The following FANCI variants were observed in gnomAD, a reference collection of about 807,000 sequenced individuals.
FANCI encodes the protein Fanconi anemia group I protein.
In FANCI, 156 loss-of-function variants were observed where a neutral mutation model predicts 176.1. The ratio of observed to expected loss-of-function variants is 0.89; its 90% CI spans 0.78 to 1.01. The LOEUF (loss-of-function observed/expected upper bound fraction) is 1.01, where lower values mean the gene tolerates loss of function less well. FANCI is among the 50% of genes least tolerant of loss of function. The pLI is 0.00. For synonymous variants in FANCI, 613 were observed against 541.7 expected, an observed-to-expected ratio of 1.13 and a Z score of -1.83; for missense variants, 1,678 against 1,534.1, an observed-to-expected ratio of 1.09 and a Z score of -1.57.
chr15:89,290,503 A>G, intron 19 of FANCI: 1 of 552,052 alleles, frequency 1.8e-6, no homozygotes, highest in Non-Finnish European at 3.3e-6. Context: ...TTGTGAATTA[A>G]CAGTCTGTAT....
At chr15:89,272,671 A>G (rs1317910611) in intron 10 of FANCI, among the ~76,000 whole-genome samples, 1 of 152,098 alleles carries the variant, frequency 6.6e-6, no homozygotes, top group Non-Finnish European at 1.5e-5. Flanking sequence ...TTTTATTACT[A>G]TTAAAAAATG....
intron 11 of FANCI, 63 bp from the exon 12 acceptor site, chr15:89,274,105 C>A: frequency 8.1e-7 from 1 of 1,229,994 alleles, no homozygotes; most frequent in African/African-American, 1.5e-5. Flanking sequence ...TTCTTTCATT[C>A]TGTTAGGTGC....
chr15:89,281,445 A>C (rs559234467), intron 15 of FANCI, 145 bp downstream of exon 15: 13 of 985,640 alleles, frequency 1.3e-5, no homozygotes, highest in Non-Finnish European at 2.0e-5. Context: ...TAAAAGGGCA[A>C]GAGCATTGAG....
At position 89,299,755 on chromosome 15, in the gene FANCI, C is replaced by T. The variant is rs181972949; in HGVS notation, c.2637-45C>T. The T allele has an allele frequency of 4.5e-5, 71 of 1,591,688 alleles. No individual in the cohort carries two copies. In the Admixed American group the frequency reaches 5.2e-4, roughly 12 times the overall value. ...AATTTTACTGTTTGTTATTTTATCT[C>T]GGTGAACCTGTCTTTAAAAACAATA... On this transcript the variant is annotated intron_variant, in intron 24 of 37. Coordinates refer to ENST00000310775, the MANE Select transcript of FANCI (RefSeq NM_001113378.2).
At chr15:89,301,533 A>G in intron 27 of FANCI, 91 bp downstream of exon 27, 1 of 903,654 alleles carries the variant, frequency 1.1e-6, no homozygotes, top group Non-Finnish European at 1.9e-6. Context: ...TGTCCTCTTG[A>G]AATTGAGCTT....
intron 9 of FANCI, among the ~76,000 whole-genome samples, chr15:89,267,425 G>C (rs1596256053): frequency 6.6e-6 from 1 of 151,430 alleles, no homozygotes; most frequent in East Asian, 1.9e-4. Flanking sequence ...AATTGTGTCA[G>C]ATCTGAGATG....
At chr15:89,284,943 A>G (rs1596291714) in intron 17 of FANCI, among the ~76,000 whole-genome samples, 153 bp from the exon 18 acceptor site, 1 of 152,156 alleles carries the variant, frequency 6.6e-6, no homozygotes, top group East Asian at 1.9e-4. Context: ...GACACTTACT[A>G]CTGCATGGTA....
In FANCI at chr15:89,260,763, A is replaced by G; in HGVS notation, c.208A>G (p.Thr70Ala). The change falls in exon 4 of 38, where the codon ACT becomes GCT. Residue 70 changes from threonine to alanine, a missense_variant. Around this residue, in one of 3 missense-constraint regions of FANCI, gnomAD observed 469 missense variants for 436.9 expected, o/e 1.07. Coordinates refer to ENST00000310775, the MANE Select transcript of FANCI (RefSeq NM_001113378.2). The part of the protein sequence containing the change: ...AGTLRRRKIY[T>A]CCIQLVESGD... ...AACACTTAGGAGACGTAAGATATAC[A>G]CTTGTTGTATCCAGTTGGTGGAATC... is the stretch of plus-strand genomic sequence containing the variant. 13 of 1,614,040 alleles carry G rather than the reference A, an allele frequency of 8.1e-6. No individual in the cohort carries two copies. The highest frequency in any genetic ancestry group is 1.1e-5 in the Non-Finnish European group (13 of 1,179,942).
At chr15:89,317,153 G>T, downstream of FANCI, 1 of 606,526 alleles carries the variant, frequency 1.6e-6, no homozygotes, top group Non-Finnish European at 2.9e-6. Flanking sequence ...TGAAGTAGGG[G>T]ACAGGTACAG....
At chr15:89,310,696 C>T (rs997072732) in intron 34 of FANCI, among the ~76,000 whole-genome samples, 4 of 152,260 alleles carry the variant, frequency 2.6e-5, no homozygotes, top group Non-Finnish European at 2.9e-5. Context: ...ATTTTCCACA[C>T]CTCTCAGTGA....
chr15:89,275,727 C>G (rs551016177), intron 12 of FANCI, among the ~76,000 whole-genome samples: 56 of 152,338 alleles, frequency 3.7e-4, no homozygotes, highest in African/African-American at 1.3e-3. Context: ...GAGGTACTCA[C>G]TAACCAGGAA....
chr15:89,287,808 A>C (rs1244309222), intron 18 of FANCI, among the ~76,000 whole-genome samples: 2 of 151,474 alleles, frequency 1.3e-5, no homozygotes, highest in East Asian at 3.8e-4. Context: ...ATGATGGCCC[A>C]GTCAGTGGAA....
At chr15:89,254,958 A>C (rs1235153844) in intron 2 of FANCI, among the ~76,000 whole-genome samples, 1 of 152,180 alleles carries the variant, frequency 6.6e-6, no homozygotes, top group Non-Finnish European at 1.5e-5. Flanking sequence ...ATCCAGGGGG[A>C]CTTTAAAAAC....
intron 34 of FANCI, among the ~76,000 whole-genome samples, chr15:89,308,849 G>A (rs1257032673): frequency 2.6e-5 from 4 of 152,068 alleles, no homozygotes; most frequent in Admixed American, 6.6e-5. Context: ...GGGAGGCTGA[G>A]GCAGGAGAAT....
intron 13 of FANCI, among the ~76,000 whole-genome samples, chr15:89,277,630 A>AAAAAAAG (rs1555445436): frequency 1.4e-5 from 2 of 146,092 alleles, no homozygotes; most frequent in Non-Finnish European, 1.5e-5. Flanking sequence ...AAAAAAAAAA[A>AAAAAAAG]AAGAATCATA....
At chr15:89,260,132 A>G (rs780773225) in intron 3 of FANCI, among the ~76,000 whole-genome samples, 1 of 151,304 alleles carries the variant, frequency 6.6e-6, no homozygotes, top group Non-Finnish European at 1.5e-5. Context: ...TTTTTTTTTC[A>G]GTTTTGATTT....
At chr15:89,257,791 T>C (rs1395785076) in intron 2 of FANCI, among the ~76,000 whole-genome samples, 1 of 152,176 alleles carries the variant, frequency 6.6e-6, no homozygotes, top group African/African-American at 2.4e-5. Context: ...TCTAGGCCAC[T>C]GTCATCTCTC....
At chr15:89,260,601 AG>A (rs1185251227) in intron 3 of FANCI, 111 bp from the exon 4 acceptor site, 243 of 1,368,230 alleles carry the variant, frequency 1.8e-4, no homozygotes, top group Non-Finnish European at 2.4e-4. Context: ...CGTAGTAATC[AG>A]TCGTTTGATA....
intron 37 of FANCI, among the ~76,000 whole-genome samples, chr15:89,316,038 C>T (rs984340762): frequency 6.6e-6 from 1 of 152,226 alleles, no homozygotes; most frequent in East Asian, 1.9e-4. Flanking sequence ...CAGATGATCA[C>T]ACTCCAGGCT....
Sources: allele counts gnomAD v4.1 joint callset (sites outside exome capture counted in the v4.1 genomes callset), GRCh38; gene constraint gnomAD v4.1.1; regional missense constraint gnomAD v4.1.1; transcripts MANE v1.5; gene names NCBI Gene and HGNC (gene_info 2026-07-23, HGNC 2026-07-21).